FOXP1: variants seen among roughly 807,000 people sequenced by gnomAD.
FOXP1 encodes the protein forkhead box protein P1.
Under a neutral mutation model 98.2 loss-of-function variants are expected in FOXP1, and 15 were observed. The ratio of observed to expected loss-of-function variants is 0.15; its 90% CI spans 0.10 to 0.24. The LOEUF (loss-of-function observed/expected upper bound fraction) is 0.24, where lower values mean the gene tolerates loss of function less well. FOXP1 is among the 10% of genes least tolerant of loss of function. The probability of loss-of-function intolerance (pLI) is 1.00; values close to 1 mark genes in which losing one functional copy is unlikely to be tolerated. For synonymous variants in FOXP1, 371 were observed against 314.5 expected, an observed-to-expected ratio of 1.18 and a Z score of -1.90; for missense variants, 633 against 848.5, an observed-to-expected ratio of 0.75 and a Z score of 3.15.
At chr3:71,142,977 C>A (rs1178040389) in intron 6 of FOXP1, among the ~76,000 whole-genome samples, 2 of 151,828 alleles carry the variant, frequency 1.3e-5, no homozygotes, top group African/African-American at 2.4e-5. Context: ...CAGGGCAGGG[C>A]AGGGCAGGGC....
At chr3:71,412,820 T>A (rs1448586662) in intron 3 of FOXP1, among the ~76,000 whole-genome samples, 1 of 152,172 alleles carries the variant, frequency 6.6e-6, no homozygotes, top group African/African-American at 2.4e-5. Context: ...CATATATTTT[T>A]TTAAAAAATT....
intron 3 of FOXP1, among the ~76,000 whole-genome samples, chr3:71,410,742 T>C (rs1208133607): frequency 6.6e-6 from 1 of 152,216 alleles, no homozygotes; most frequent in Non-Finnish European, 1.5e-5. Context: ...TCAAGTGGAA[T>C]AGGCTTTGTT....
intron 5 of FOXP1, among the ~76,000 whole-genome samples, chr3:71,266,949 A>C (rs549314471): frequency 6.6e-6 from 1 of 152,328 alleles, no homozygotes; most frequent in East Asian, 1.9e-4. Flanking sequence ...CTCTCTCCAA[A>C]TCAGATTTAA....
chr3:71,583,793 C>G, upstream of FOXP1: 4 of 986,810 alleles, frequency 4.1e-6, no homozygotes, highest in Non-Finnish European at 4.8e-6. Context: ...TTCCCGGAGC[C>G]CAGCCAGCGC....
chr3:71,581,972 A>T, intron 1 of FOXP1: 1 of 856,764 alleles, frequency 1.2e-6, no homozygotes, highest in Non-Finnish European at 1.4e-6. Flanking sequence ...GGGGGGAGGA[A>T]TAGGGAGAAG....
At chr3:71,582,281 G>A in intron 1 of FOXP1, 8 of 982,548 alleles carry the variant, frequency 8.1e-6, no homozygotes, top group Non-Finnish European at 8.5e-6. Flanking sequence ...GACGTTGTCT[G>A]AAAAGGAGGG....
intron 5 of FOXP1, among the ~76,000 whole-genome samples, chr3:71,260,583 C>T (rs2069042320): frequency 6.7e-6 from 1 of 149,666 alleles, no homozygotes; most frequent in African/African-American, 2.5e-5. Flanking sequence ...TTCTCTGTCG[C>T]CCAGGCTGGA....
intron 2 of FOXP1, among the ~76,000 whole-genome samples, chr3:71,540,805 T>G (rs2107607475): frequency 6.6e-6 from 1 of 152,324 alleles, no homozygotes; most frequent in Middle Eastern, 3.4e-3. Flanking sequence ...TTGTGTACAC[T>G]TACAAGTGTA....
intron 2 of FOXP1, among the ~76,000 whole-genome samples, chr3:71,510,687 T>C (rs2042142198): frequency 6.6e-6 from 1 of 152,174 alleles, no homozygotes; most frequent in Non-Finnish European, 1.5e-5. Context: ...CCAACTGCAA[T>C]GTTCAACTAA....
In FOXP1 at chr3:71,583,670, T is replaced by TCGCGCACACACG. The variant is rs989137775; in HGVS notation, c.-558_-547dup. The TCGCGCACACACG allele has an allele frequency of 2.9e-4, 283 of 983,708 alleles. No individual in the cohort carries two copies. The highest frequency in any genetic ancestry group is 3.5e-4 in the East Asian group (3 of 8,680). The allele number at this position is 983,708 out of a possible 1,614,324, so 60.9% of individuals were successfully genotyped here. A position where few individuals can be genotyped will look rare whatever the true frequency, so the allele number is the denominator to read the frequency against. On this transcript the variant is annotated 5_prime_UTR_variant, in exon 1 of 21. Coordinates refer to ENST00000649528, the MANE Select transcript of FOXP1 (RefSeq NM_001349338.3). ...GCGCGCACCCCGCGCACACACTCACTCGCGCACACACGCGCGCACACACGC... is the reference window on the plus strand; with the variant it reads ...GCGCGCACCCCGCGCACACACTCACTCGCGCACACACGCGCGCACACACGCGCGCACACACGC...
At chr3:71,259,452 A>C (rs534193716) in intron 5 of FOXP1, among the ~76,000 whole-genome samples, 2 of 152,348 alleles carry the variant, frequency 1.3e-5, no homozygotes, top group South Asian at 4.1e-4. Context: ...ATTACCTCCT[A>C]TCATTCCTAT....
chr3:71,439,951 A>G (rs1012201820), intron 3 of FOXP1, among the ~76,000 whole-genome samples: 4 of 12,786 alleles, frequency 3.1e-4, no homozygotes, highest in African/African-American at 1.8e-3. Flanking sequence ...CTGTCTCAGG[A>G]AAAAAAAAAA....
intron 11 of FOXP1, among the ~76,000 whole-genome samples, chr3:71,031,990 AG>A (rs1393745565): frequency 6.6e-6 from 1 of 152,230 alleles, no homozygotes; most frequent in Non-Finnish European, 1.5e-5. Context: ...GAAGCCAGCA[AG>A]GCTATTTTCG....
chr3:71,166,086 C>T (rs1489475216), intron 6 of FOXP1, among the ~76,000 whole-genome samples: 2 of 152,226 alleles, frequency 1.3e-5, no homozygotes, highest in African/African-American at 2.4e-5. Context: ...AAGTAACAAT[C>T]ACTCTGAGAA....
chr3:71,492,376 T>C (rs1330841661), intron 3 of FOXP1, among the ~76,000 whole-genome samples: 1 of 150,700 alleles, frequency 6.6e-6, no homozygotes, highest in East Asian at 2.0e-4. Context: ...TGCTTGAACC[T>C]GGGAGGCGGA....
chr3:71,482,527 A>T (rs1009353269), intron 3 of FOXP1, among the ~76,000 whole-genome samples: 1 of 151,922 alleles, frequency 6.6e-6, no homozygotes, highest in African/African-American at 2.4e-5. Flanking sequence ...GGGATTACCA[A>T]GTAACTGGGA....
chr3:71,363,124 C>CT (rs986906060), intron 3 of FOXP1, among the ~76,000 whole-genome samples: 1 of 144,704 alleles, frequency 6.9e-6, no homozygotes, highest in African/African-American at 2.7e-5. Flanking sequence ...AAATGAATAA[C>CT]TTTAAAAAAA....
rs35646548 is a variant in FOXP1, at chr3:71,579,632, CT to C, written c.-298+1916del. Reference sequence around the variant, plus strand: ...TTTTTTTTTCTTTTTTTTCTTTTTTCTTTTTTTTTTTTTTTTTGAGCTTCAC... The same window carrying C: ...TTTTTTTTTCTTTTTTTTCTTTTTTCTTTTTTTTTTTTTTTTGAGCTTCAC... On this transcript the variant is annotated intron_variant, in intron 2 of 20. Transcript: ENST00000649528. 6.0e-3 allele frequency among the ~76,000 whole-genome samples: 738 copies of C among 122,946 alleles called. 6 individuals carry two copies. The highest frequency in any genetic ancestry group is 0.02 in the African/African-American group (652 of 32,216). 80.7% of individuals were successfully genotyped at this position (122,946 alleles called of 152,430 possible).
intron 14 of FOXP1, among the ~76,000 whole-genome samples, chr3:70,983,848 T>C (rs1209609643): frequency 1.3e-5 from 2 of 152,252 alleles, no homozygotes; most frequent in African/African-American, 4.8e-5. Context: ...ATGTTTCTTT[T>C]TGTTTTTGTT....
Sources: allele counts gnomAD v4.1 joint callset (sites outside exome capture counted in the v4.1 genomes callset), GRCh38; gene constraint gnomAD v4.1.1; transcripts MANE v1.5; gene names NCBI Gene and HGNC (gene_info 2026-07-23, HGNC 2026-07-21).